The following ANGPTL5 variants were observed in gnomAD, a reference collection of about 807,000 sequenced individuals.
ANGPTL5 encodes angiopoietin like 5, also known as angiopoietin-related protein 5.
A neutral mutation model predicts 39.4 loss-of-function variants in ANGPTL5; 34 were observed. The ratio of observed to expected loss-of-function variants is 0.86; its 90% CI spans 0.66 to 1.15. The LOEUF (loss-of-function observed/expected upper bound fraction) is 1.15. Among genes scored for constraint, ANGPTL5 ranks in the 50% most tolerant of loss-of-function variants. The pLI is 0.00. For missense variants in ANGPTL5, 467 were observed against 457.5 expected (o/e 1.02, Z -0.19); for synonymous variants, 146 against 152.1 (o/e 0.96, Z 0.29).
intron 1 of ANGPTL5, among the ~76,000 whole-genome samples, chr11:101,910,752 G>A (rs562127529): frequency 2.5e-4 from 38 of 152,156 alleles, no homozygotes; most frequent in African/African-American, 9.2e-4. Context: ...TTGGCTCAAG[G>A]TTCAAACTGT....
chr11:101,908,865 A>T (rs963206958), intron 1 of ANGPTL5, among the ~76,000 whole-genome samples: 1 of 152,044 alleles, frequency 6.6e-6, no homozygotes, highest in Admixed American at 6.6e-5. Flanking sequence ...CTATTTTGTT[A>T]AAACTGTAAA....
chr11:101,893,979 T>A (rs76779685), intron 8 of ANGPTL5, among the ~76,000 whole-genome samples: 4,188 of 152,328 alleles, frequency 0.027, 68 homozygotes, highest in Middle Eastern at 0.034. Flanking sequence ...TGGCTTAAAA[T>A]AACTGAATCA....
chr11:101,900,697 A>T, intron 6 of ANGPTL5, 147 bp from the exon 7 acceptor site: 1 of 801,716 alleles, frequency 1.2e-6, no homozygotes, highest in Non-Finnish European at 2.0e-6. Context: ...TAATTTATTC[A>T]GATGTTTTTT....
At chr11:101,899,753 A>G (rs935832775) in intron 7 of ANGPTL5, among the ~76,000 whole-genome samples, 3 of 152,222 alleles carry the variant, frequency 2.0e-5, no homozygotes, top group Non-Finnish European at 4.4e-5. Context: ...CATTATTATG[A>G]GAGATTAAAG....
chr11:101,893,668 T>C (rs1027410288), intron 8 of ANGPTL5, among the ~76,000 whole-genome samples: 12 of 152,208 alleles, frequency 7.9e-5, no homozygotes, highest in Non-Finnish European at 1.3e-4. Context: ...ATATTCCACC[T>C]TTAGATAGTT....
intron 1 of ANGPTL5, chr11:101,915,293 G>T: frequency 6.2e-7 from 1 of 1,613,596 alleles, no homozygotes. Context: ...GGATGCTGGC[G>T]GGGAGGCCCG....
At chr11:101,914,030 C>G (rs1262592740) in intron 1 of ANGPTL5, among the ~76,000 whole-genome samples, 1 of 152,112 alleles carries the variant, frequency 6.6e-6, no homozygotes, top group Non-Finnish European at 1.5e-5. Flanking sequence ...AAATCTGTCG[C>G]CAGTGTACAT....
At chr11:101,900,348 T>G in intron 7 of ANGPTL5, 82 bp downstream of exon 7, 1 of 1,415,262 alleles carries the variant, frequency 7.1e-7, no homozygotes, top group Non-Finnish European at 9.8e-7. Flanking sequence ...CTATTTTTAC[T>G]ACAGATCTGA....
chr11:101,891,684 C>T (rs1591249192), intron 8 of ANGPTL5, 86 bp from the exon 9 acceptor site: 13 of 1,284,774 alleles, frequency 1.0e-5, no homozygotes, highest in Non-Finnish European at 1.4e-5. Context: ...GCAAGAGCAC[C>T]ACATCTGGAA....
At chr11:101,892,295 A>G (rs899287149) in intron 8 of ANGPTL5, among the ~76,000 whole-genome samples, 3 of 152,108 alleles carry the variant, frequency 2.0e-5, no homozygotes, top group African/African-American at 7.2e-5. Flanking sequence ...GAATTGCATG[A>G]TCTCGGCTCA....
At chr11:101,914,365 C>G (rs138710335) in intron 1 of ANGPTL5, among the ~76,000 whole-genome samples, 3 of 152,196 alleles carry the variant, frequency 2.0e-5, no homozygotes, top group African/African-American at 7.2e-5. Context: ...TTCCATACTT[C>G]CCAAAACCAT....
chr11:101,908,103 TC>T (rs1283900810), intron 1 of ANGPTL5, 102 bp from the exon 2 acceptor site: 6 of 498,456 alleles, frequency 1.2e-5, no homozygotes, highest in Middle Eastern at 5.5e-4. Context: ...CCTCTGGAGA[TC>T]CTGACATTTT....
Position 101,907,837 on chromosome 11 carries a change from C to T in ANGPTL5, c.73G>A (p.Gly25Ser), listed in dbSNP as rs1408964145. 6.2e-7 allele frequency: 1 copy of T among 1,605,946 alleles called. No homozygotes were observed. Among genetic ancestry groups the T allele is most frequent in the Admixed American group, 1.7e-5 (1 of 59,978 alleles). Residue 25 changes from glycine to serine, a missense_variant, in exon 2 of 9, where the codon GGT becomes AGT. Gly to Ser is a moderately conservative substitution (Grantham distance 56). Transcript: ENST00000334289. ...CIFICGEAVQ[G>S]NCVHHSTDSS... Reference sequence around the variant, plus strand: ...ACCGTAGAATGATGTACACAGTTACCTTGTACAGCTTCTCCACAAATAAAA... The same window carrying T: ...ACCGTAGAATGATGTACACAGTTACTTTGTACAGCTTCTCCACAAATAAAA...
At chr11:101,891,833 CA>C (rs1386496821) in intron 8 of ANGPTL5, among the ~76,000 whole-genome samples, 2 of 152,064 alleles carry the variant, frequency 1.3e-5, no homozygotes, top group African/African-American at 2.4e-5. Context: ...AGTCACAGTC[CA>C]AAATGGAGTT....
chr11:101,894,701 T>G (rs1244432422), intron 8 of ANGPTL5, among the ~76,000 whole-genome samples, 178 bp downstream of exon 8: 1 of 152,222 alleles, frequency 6.6e-6, no homozygotes, highest in African/African-American at 2.4e-5. Flanking sequence ...CATGAGGTAG[T>G]ACAATGATCA....
intron 7 of ANGPTL5, among the ~76,000 whole-genome samples, chr11:101,897,461 T>C (rs1458652187): frequency 6.6e-6 from 1 of 152,232 alleles, no homozygotes; most frequent in Non-Finnish European, 1.5e-5. Flanking sequence ...ATTGCCTAGG[T>C]TTTCTTCTAG....
intron 1 of ANGPTL5, among the ~76,000 whole-genome samples, chr11:101,909,184 T>G (rs2137064874): frequency 6.6e-6 from 1 of 152,342 alleles, no homozygotes; most frequent in Non-Finnish European, 1.5e-5. Context: ...CTTAAAATAA[T>G]TATCTGTTCT....
At chr11:101,907,314 A>G in intron 2 of ANGPTL5, 67 bp from the exon 3 acceptor site, 1 of 999,186 alleles carries the variant, frequency 1.0e-6, no homozygotes, top group Non-Finnish European at 1.4e-6. Flanking sequence ...AATACATAAT[A>G]AAAAAGACTA....
Position 101,891,478 on chromosome 11 carries a change from C to T in ANGPTL5, c.968G>A (p.Ser323Asn). The T allele has an allele frequency of 6.2e-7, 1 of 1,614,106 alleles. No homozygotes were observed. ...ACLVNGQSVKSCSHLHNKTGW... is the reference protein window; with the variant it reads ...ACLVNGQSVKNCSHLHNKTGW... ...GGTCTTGTTATGGAGGTGACTGCAG[C>T]TCTTCACAGACTGACCATTGACCAG... Residue 323 changes from serine to asparagine, a missense_variant, in exon 9 of 9, where the codon AGC becomes AAC. Physicochemically the swap from Ser to Asn is conservative, Grantham distance 46. Coordinates refer to ENST00000334289, the MANE Select transcript of ANGPTL5 (RefSeq NM_178127.5).
Sources: allele counts gnomAD v4.1 joint callset (sites outside exome capture counted in the v4.1 genomes callset), GRCh38; gene constraint gnomAD v4.1.1; transcripts MANE v1.5; gene names NCBI Gene and HGNC (gene_info 2026-07-23, HGNC 2026-07-21).